Variants in ELF2 observed in about 807,000 individuals in gnomAD.
ELF2 encodes the protein ETS-related transcription factor Elf-2.
A neutral mutation model predicts 54.8 loss-of-function variants in ELF2; 11 were observed. That is an observed-to-expected ratio of 0.20 (90% CI 0.13 to 0.33). The LOEUF (loss-of-function observed/expected upper bound fraction) is 0.33. Ranked by LOEUF, ELF2 falls within the 10% of genes least tolerant of loss-of-function variation. ELF2 has a pLI of 1.00. For missense variants in ELF2, 513 were observed against 703.0 expected (o/e 0.73, Z 3.06); for synonymous variants, 203 against 245.1 (o/e 0.83, Z 1.61).
At chr4:139,138,012 A>G in intron 2 of ELF2, 145 bp from the exon 3 acceptor site, 1 of 527,740 alleles carries the variant, frequency 1.9e-6, no homozygotes, top group Non-Finnish European at 3.1e-6. Context: ...AGAGGGCAGT[A>G]ATGAACATTC....
chr4:139,107,524 AT>A (rs1211151893), intron 4 of ELF2, among the ~76,000 whole-genome samples: 1 of 152,228 alleles, frequency 6.6e-6, no homozygotes, highest in Non-Finnish European at 1.5e-5. Context: ...AATTTTAAAA[AT>A]ACAAAAAAAT....
At chr4:139,155,545 G>A (rs1048614510) in intron 1 of ELF2, 1 of 152,042 alleles carries the variant, frequency 6.6e-6, no homozygotes, top group Non-Finnish European at 1.5e-5. Flanking sequence ...AGGAGTTCGA[G>A]ACTAACCTGG....
chr4:139,115,120 C>A, intron 4 of ELF2: 2 of 1,613,824 alleles, frequency 1.2e-6, no homozygotes, highest in Non-Finnish European at 1.7e-6. Flanking sequence ...CTCTTCCTGG[C>A]AGTCGTAGAG....
At chr4:139,172,864 T>G (rs1476573555) in intron 1 of ELF2, among the ~76,000 whole-genome samples, 1 of 99,606 alleles carries the variant, frequency 1.0e-5, no homozygotes, top group Non-Finnish European at 1.8e-5. Context: ...GGTCTTGGAA[T>G]GTATCCCACA....
chr4:139,153,536 G>A (rs749483311), intron 1 of ELF2, among the ~76,000 whole-genome samples: 2 of 152,120 alleles, frequency 1.3e-5, no homozygotes, highest in Non-Finnish European at 2.9e-5. Context: ...TAGAAACTGA[G>A]TCACGCAAAA....
At chr4:139,076,571 T>A (rs1025926840) in intron 4 of ELF2, among the ~76,000 whole-genome samples, 1 of 152,158 alleles carries the variant, frequency 6.6e-6, no homozygotes, top group African/African-American at 2.4e-5. Flanking sequence ...GCAAACTAAT[T>A]CCTTATGTAA....
At chr4:139,148,850 A>T (rs1227091167) in intron 1 of ELF2, among the ~76,000 whole-genome samples, 1 of 152,244 alleles carries the variant, frequency 6.6e-6, no homozygotes, top group Non-Finnish European at 1.5e-5. Context: ...TCCTACCAGC[A>T]GCATTTGAAG....
intron 6 of ELF2, 83 bp downstream of exon 6, chr4:139,071,783 C>T: frequency 7.8e-7 from 1 of 1,273,952 alleles, no homozygotes; most frequent in South Asian, 1.5e-5. Flanking sequence ...ACAGCATATA[C>T]TACTTTCTAT....
Position 139,058,695 on chromosome 4 carries a change from G to GT in ELF2, c.*287dup, listed in dbSNP as rs1727365057. The GT allele has an allele frequency of 3.2e-6, 1 of 310,610 alleles. No individual in the cohort carries two copies. The highest frequency in any genetic ancestry group is 4.6e-5 in the Admixed American group (1 of 21,512). The allele number at this position is 310,610 out of a possible 1,614,324, so 19.2% of individuals were successfully genotyped here. A position where few individuals can be genotyped will look rare whatever the true frequency, so the allele number is the denominator to read the frequency against. The stretch of plus-strand genomic sequence containing the variant: ...GAATGTTAGTGTTCCAAGTCTTAGT[G>GT]TAACTTGATATCGTAGTGAGCTGCT... On this transcript the variant is annotated 3_prime_UTR_variant, in exon 10 of 10. Coordinates refer to ENST00000686138, the MANE Select transcript of ELF2 (RefSeq NM_001331036.3).
intron 1 of ELF2, among the ~76,000 whole-genome samples, chr4:139,167,718 G>A (rs991355292): frequency 2.0e-5 from 3 of 152,132 alleles, no homozygotes; most frequent in Non-Finnish European, 2.9e-5. Flanking sequence ...AGCCCTATAA[G>A]CTGAAACTCG....
chr4:139,128,635 C>T (rs1737185802), intron 3 of ELF2, among the ~76,000 whole-genome samples: 1 of 151,998 alleles, frequency 6.6e-6, no homozygotes, highest in Non-Finnish European at 1.5e-5. Flanking sequence ...CATCCTCCCA[C>T]CTCAGCCTCC....
intron 4 of ELF2, among the ~76,000 whole-genome samples, chr4:139,087,453 G>T (rs1047463629): frequency 1.4e-4 from 21 of 151,992 alleles, no homozygotes; most frequent in Non-Finnish European, 4.4e-5. Flanking sequence ...AGACAAACAC[G>T]TTTTTTTGTT....
intron 4 of ELF2, among the ~76,000 whole-genome samples, chr4:139,108,509 A>G (rs1734641986): frequency 6.6e-6 from 1 of 152,132 alleles, no homozygotes; most frequent in African/African-American, 2.4e-5. Flanking sequence ...GTCCCATCCT[A>G]GCAATCAGGA....
chr4:139,084,239 GC>G, intron 4 of ELF2: 1 of 1,610,316 alleles, frequency 6.2e-7, no homozygotes, highest in Non-Finnish European at 8.5e-7. Flanking sequence ...TACACCGTGA[GC>G]AGCGGCGGCA....
At chr4:139,111,729 C>T (rs918834694) in intron 4 of ELF2, among the ~76,000 whole-genome samples, 1 of 152,104 alleles carries the variant, frequency 6.6e-6, no homozygotes, top group African/African-American at 2.4e-5. Flanking sequence ...GAAACAACAC[C>T]GTACAAAGCA....
intron 1 of ELF2, among the ~76,000 whole-genome samples, chr4:139,172,899 G>A (rs1354737171): frequency 4.4e-5 from 4 of 90,678 alleles, no homozygotes; most frequent in Non-Finnish European, 7.3e-5. Flanking sequence ...GGGGGGGGGG[G>A]GGGGGGCTAT....
In ELF2 at chr4:139,119,651, T is replaced by G. The variant is rs141873908; in HGVS notation, c.238+5513A>C. The stretch of plus-strand genomic sequence containing the variant: ...GCAGTACTGCCCTGTCTCTTACGGG[T>G]ACCTTATATTTGCCTACATGTTTGT... On this transcript the variant is annotated intron_variant, in intron 4 of 9. Transcript: ENST00000686138. Among the ~76,000 whole-genome samples the G allele has an allele frequency of 1.7e-3, 265 of 152,310 alleles. 2 individuals are homozygous for G. The highest frequency in any genetic ancestry group is 6.1e-3 in the African/African-American group (254 of 41,572).
At chr4:139,137,928 C>T (rs1738341311) in intron 2 of ELF2, 61 bp from the exon 3 acceptor site, 2 of 1,147,210 alleles carry the variant, frequency 1.7e-6, no homozygotes, top group Admixed American at 3.7e-5. Flanking sequence ...ATAAATAAAG[C>T]ATAACTTATT....
chr4:139,169,408 G>T (rs1742044082), intron 1 of ELF2, among the ~76,000 whole-genome samples: 2 of 147,466 alleles, frequency 1.4e-5, no homozygotes, highest in South Asian at 4.3e-4. Flanking sequence ...CCTGCACAAA[G>T]GCAACTGCAA....
Sources: allele counts gnomAD v4.1 joint callset (sites outside exome capture counted in the v4.1 genomes callset), GRCh38; gene constraint gnomAD v4.1.1; transcripts MANE v1.5; gene names NCBI Gene and HGNC (gene_info 2026-07-23, HGNC 2026-07-21).